MEI4: variants seen among roughly 807,000 people sequenced by gnomAD.
The protein encoded by MEI4 is meiotic double-stranded break formation protein 4.
MEI4 carries 27 observed loss-of-function variants against 31.4 expected under a neutral mutation model. The ratio of observed to expected loss-of-function variants is 0.86; its 90% CI spans 0.63 to 1.19. MEI4 has a LOEUF of 1.19. Among genes scored for constraint, MEI4 ranks in the 50% most tolerant of loss-of-function variants. The pLI is 0.00. For missense variants in MEI4, 329 were observed against 398.9 expected, an observed-to-expected ratio of 0.82 and a Z score of 1.49; for synonymous variants, 122 against 145.4, an observed-to-expected ratio of 0.84 and a Z score of 1.16.
intron 3 of MEI4, among the ~76,000 whole-genome samples, chr6:77,797,426 T>C (rs1330934878): frequency 6.6e-6 from 1 of 152,032 alleles, no homozygotes; most frequent in Non-Finnish European, 1.5e-5. Flanking sequence ...AACTTGCAAA[T>C]TTATTAAGGA....
intron 2 of MEI4, among the ~76,000 whole-genome samples, chr6:77,748,011 C>A (rs910431222): frequency 6.6e-6 from 1 of 152,214 alleles, no homozygotes; most frequent in Non-Finnish European, 1.5e-5. Flanking sequence ...TCCTTTGACA[C>A]CATGTCTCGC....
At chr6:77,800,974 C>G (rs1769238981) in intron 3 of MEI4, among the ~76,000 whole-genome samples, 1 of 152,078 alleles carries the variant, frequency 6.6e-6, no homozygotes, top group Non-Finnish European at 1.5e-5. Context: ...GTGTCTCTGC[C>G]AGGCTTTGGT....
intron 2 of MEI4, among the ~76,000 whole-genome samples, chr6:77,716,377 A>G (rs747985552): frequency 2.6e-5 from 4 of 152,206 alleles, no homozygotes; most frequent in Admixed American, 1.3e-4. Flanking sequence ...GAATATGGTT[A>G]GAGGAGTTAT....
At chr6:77,696,946 C>T (rs922494297) in intron 2 of MEI4, among the ~76,000 whole-genome samples, 4 of 152,114 alleles carry the variant, frequency 2.6e-5, no homozygotes, top group African/African-American at 9.7e-5. Context: ...ATTTCAGAGC[C>T]TGTTATTGGT....
intron 2 of MEI4, among the ~76,000 whole-genome samples, chr6:77,699,348 C>T (rs1386603142): frequency 6.6e-6 from 1 of 151,850 alleles, no homozygotes; most frequent in Non-Finnish European, 1.5e-5. Context: ...TGCCACTACG[C>T]CCGGCTAATT....
intron 4 of MEI4, among the ~76,000 whole-genome samples, chr6:77,875,209 A>AC (rs1771304522): frequency 6.6e-6 from 1 of 151,826 alleles, no homozygotes; most frequent in Admixed American, 6.6e-5. Flanking sequence ...TGTTTTCTTC[A>AC]TTTTACTCAC....
At chr6:77,827,521 G>A (rs1769984502) in intron 3 of MEI4, among the ~76,000 whole-genome samples, 1 of 151,994 alleles carries the variant, frequency 6.6e-6, no homozygotes, top group South Asian at 2.1e-4. Context: ...TCTAAATCAA[G>A]GGCTCAAATG....
At chr6:77,753,054 G>C (rs917532094) in intron 2 of MEI4, among the ~76,000 whole-genome samples, 1 of 152,186 alleles carries the variant, frequency 6.6e-6, no homozygotes, top group Non-Finnish European at 1.5e-5. Flanking sequence ...GCCATATGCA[G>C]AAAGCTGAAA....
intron 4 of MEI4, among the ~76,000 whole-genome samples, chr6:77,901,425 C>T (rs919597245): frequency 6.6e-6 from 1 of 151,762 alleles, no homozygotes; most frequent in Non-Finnish European, 1.5e-5. Context: ...TGAGGTCATA[C>T]CTCATTGTGG....
intron 3 of MEI4, among the ~76,000 whole-genome samples, chr6:77,775,181 C>G (rs1383229423): frequency 6.6e-6 from 1 of 152,058 alleles, no homozygotes; most frequent in Admixed American, 6.6e-5. Context: ...CTGCAAAGAC[C>G]GTTTTTCTTT....
At chr6:77,814,218 G>T (rs1195560023) in intron 3 of MEI4, among the ~76,000 whole-genome samples, 1 of 152,086 alleles carries the variant, frequency 6.6e-6, no homozygotes, top group Non-Finnish European at 1.5e-5. Context: ...ATGACTCTCA[G>T]CATAGTTTAG....
intron 4 of MEI4, among the ~76,000 whole-genome samples, chr6:77,838,599 A>G (rs890614715): frequency 6.6e-6 from 1 of 152,136 alleles, no homozygotes; most frequent in Non-Finnish European, 1.5e-5. Flanking sequence ...ATTTGAAAAT[A>G]AATATAAAAG....
rs559141496 is a variant in MEI4 at position 77,758,286 on chromosome 6, C to G, written c.233-2844C>G. Among the ~76,000 whole-genome samples, 91 of 152,136 alleles carry G rather than the reference C, an allele frequency of 6.0e-4. 1 individual carries two copies. Among genetic ancestry groups the G allele is most frequent in the African/African-American group, 2.1e-3 (87 of 41,532 alleles). The stretch of plus-strand genomic sequence containing the variant: ...ATCATTGTCTCCTTTTAATTATCTC[C>G]TTTTAAGCATGGCATGTAGAAGTTG... On this transcript the variant is annotated intron_variant, in intron 2 of 4. Coordinates refer to ENST00000684080, the MANE Select transcript of MEI4 (RefSeq NM_001322247.2).
At chr6:77,733,669 G>A (rs1204554822) in intron 2 of MEI4, among the ~76,000 whole-genome samples, 1 of 151,772 alleles carries the variant, frequency 6.6e-6, no homozygotes, top group East Asian at 1.9e-4. Context: ...CCTTCTGCTA[G>A]CTTTTGAATA....
chr6:77,827,777 A>T (rs1004106135), intron 3 of MEI4, among the ~76,000 whole-genome samples: 3 of 152,196 alleles, frequency 2.0e-5, no homozygotes. Flanking sequence ...GGCAAGTGTC[A>T]ATTAAAATGT....
At chr6:77,729,803 ATTTTC>A in intron 2 of MEI4, among the ~76,000 whole-genome samples, 1 of 152,162 alleles carries the variant, frequency 6.6e-6, no homozygotes. Flanking sequence ...TAATTTTAGT[ATTTTC>A]TTCTTATGAT....
intron 2 of MEI4, among the ~76,000 whole-genome samples, chr6:77,724,908 G>T (rs1766787008): frequency 6.9e-6 from 1 of 145,678 alleles, no homozygotes; most frequent in Non-Finnish European, 1.5e-5. Context: ...TTTTTTCCTT[G>T]TCTTTTCATT....
At chr6:77,743,493 G>T (rs2127673744) in intron 2 of MEI4, among the ~76,000 whole-genome samples, 1 of 152,292 alleles carries the variant, frequency 6.6e-6, no homozygotes, top group African/African-American at 2.4e-5. Flanking sequence ...CTTTGCTGAA[G>T]TTGCTTATCA....
intron 2 of MEI4, among the ~76,000 whole-genome samples, chr6:77,745,716 G>A (rs908773114): frequency 6.6e-5 from 10 of 152,036 alleles, no homozygotes; most frequent in Non-Finnish European, 1.5e-4. Context: ...CCACATACTG[G>A]GAAGTAAAGC....
Sources: allele counts gnomAD v4.1 joint callset (sites outside exome capture counted in the v4.1 genomes callset), GRCh38; gene constraint gnomAD v4.1.1; transcripts MANE v1.5; gene names NCBI Gene and HGNC (gene_info 2026-07-23, HGNC 2026-07-21).